The following GAS7 variants were observed in gnomAD, a reference collection of about 807,000 sequenced individuals.
GAS7 encodes the protein growth arrest specific 7.
Under a neutral mutation model 71.1 loss-of-function variants are expected in GAS7, and 28 were observed. That is an observed-to-expected ratio of 0.39 (90% CI 0.29 to 0.54). The LOEUF (loss-of-function observed/expected upper bound fraction) is 0.54, where lower values mean the gene tolerates loss of function less well. Ranked by LOEUF, GAS7 falls within the 20% of genes least tolerant of loss-of-function variation. The pLI, the probability that GAS7 is intolerant of heterozygous loss-of-function variation, is 0.62. For missense variants in GAS7, 436 were observed against 627.8 expected (o/e 0.69, Z 3.27); for synonymous variants, 258 against 245.8 (o/e 1.05, Z -0.46).
At chr17:10,056,874 C>G (rs1031592864) in intron 1 of GAS7, among the ~76,000 whole-genome samples, 1 of 152,182 alleles carries the variant, frequency 6.6e-6, no homozygotes, top group African/African-American at 2.4e-5. Context: ...CATCTCGACT[C>G]ACTGCAACCT....
chr17:10,112,780 A>G (rs2073826262), intron 1 of GAS7, among the ~76,000 whole-genome samples: 1 of 150,972 alleles, frequency 6.6e-6, no homozygotes, highest in African/African-American at 2.4e-5. Context: ...AAAGAAAGAG[A>G]GAAAGAGAAA....
At chr17:10,029,784 G>A (rs1036744727) in intron 1 of GAS7, among the ~76,000 whole-genome samples, 2 of 151,952 alleles carry the variant, frequency 1.3e-5, no homozygotes, top group Non-Finnish European at 2.9e-5. Flanking sequence ...CCTAGAAGGC[G>A]GAGATTGCAG....
At position 10,198,590 on chromosome 17, in the gene GAS7, G is replaced by A. The variant is rs143778593; in HGVS notation, c.-200C>T. On this transcript the variant is annotated 5_prime_UTR_variant, in exon 1 of 14. Transcript: ENST00000432992. ...CGGGAAGCAGAGACTCGTTGGCTTC[G>A]CAGAGCGAGCGGCGACGCCCCCGGG... 3,059 of 360,134 alleles carry A rather than the reference G, an allele frequency of 8.5e-3. 18 individuals are homozygous for A. The highest frequency in any genetic ancestry group is 0.013 in the Middle Eastern group (18 of 1,336). The allele number at this position is 360,134 out of a possible 1,614,324, so 22.3% of individuals were successfully genotyped here.
chr17:10,122,234 C>T (rs112007469), intron 1 of GAS7, among the ~76,000 whole-genome samples: 175 of 152,310 alleles, frequency 1.1e-3, no homozygotes, highest in African/African-American at 3.9e-3. Context: ...GCCCCAAAAC[C>T]AGCCAGCCCC....
chr17:10,169,081 C>T (rs911959984), intron 1 of GAS7, among the ~76,000 whole-genome samples: 4 of 151,738 alleles, frequency 2.6e-5, no homozygotes, highest in African/African-American at 9.7e-5. Flanking sequence ...TTGAGATCAG[C>T]CTGGCCAACA....
chr17:10,060,115 A>T (rs942535924), intron 1 of GAS7, among the ~76,000 whole-genome samples: 1 of 152,170 alleles, frequency 6.6e-6, no homozygotes. Context: ...ACACTGAGGG[A>T]GTGTGATAAT....
At chr17:10,071,176 C>A (rs2073336544) in intron 1 of GAS7, among the ~76,000 whole-genome samples, 1 of 151,860 alleles carries the variant, frequency 6.6e-6, no homozygotes, top group South Asian at 2.1e-4. Flanking sequence ...GCAGAGAGAG[C>A]CAGTGAGGCG....
At chr17:10,010,133 C>T (rs1597678630) in intron 2 of GAS7, among the ~76,000 whole-genome samples, 1 of 151,904 alleles carries the variant, frequency 6.6e-6, no homozygotes, top group Non-Finnish European at 1.5e-5. Flanking sequence ...GTAAAACAAA[C>T]AGGTTCTATT....
chr17:10,030,489 G>C (rs889444222), intron 1 of GAS7, among the ~76,000 whole-genome samples: 1 of 152,232 alleles, frequency 6.6e-6, no homozygotes, highest in Non-Finnish European at 1.5e-5. Context: ...GGGGTCAGGT[G>C]CATGAGGCAC....
At position 9,913,692 on chromosome 17, in the gene GAS7, A is replaced by C. The variant is rs1328297736; in HGVS notation, c.*3536T>G. On this transcript the variant is annotated 3_prime_UTR_variant, in exon 14 of 14. Coordinates refer to ENST00000432992, the MANE Select transcript of GAS7 (RefSeq NM_201433.2). ...GGCCCAGGGTGGTCCCACTGACAGA[A>C]TCTCAGGGCCGCCATCCCCACGGTC... 1 of 231,252 alleles carries C rather than the reference A, an allele frequency of 4.3e-6. No individual in the cohort carries two copies. The highest frequency in any genetic ancestry group is 2.2e-5 in the African/African-American group (1 of 45,210). The allele number at this position is 231,252 out of a possible 1,614,324, so 14.3% of individuals were successfully genotyped here. A position where few individuals can be genotyped will look rare whatever the true frequency, so the allele number is the denominator to read the frequency against.
intron 1 of GAS7, among the ~76,000 whole-genome samples, chr17:10,155,612 C>T (rs1439675223): frequency 3.3e-5 from 5 of 152,176 alleles, no homozygotes; most frequent in Non-Finnish European, 7.3e-5. Context: ...AGACCATGGC[C>T]TCCCTCCCAT....
intron 1 of GAS7, among the ~76,000 whole-genome samples, chr17:10,173,137 A>T (rs1332372210): frequency 6.6e-6 from 1 of 152,198 alleles, no homozygotes; most frequent in African/African-American, 2.4e-5. Context: ...AGATGCATAG[A>T]ACCAGAAAAC....
In GAS7 at chr17:10,026,165, T is replaced by C; in HGVS notation, c.184-6268A>G. 1 of 985,328 alleles carries C rather than the reference T, an allele frequency of 1.0e-6. No individual in the cohort carries two copies. The highest frequency in any genetic ancestry group is 1.2e-6 in the Non-Finnish European group (1 of 829,908). The allele number at this position is 985,328 out of a possible 1,614,324, so 61.0% of individuals were successfully genotyped here. On this transcript the variant is annotated intron_variant, in intron 1 of 13. Coordinates refer to ENST00000432992, the MANE Select transcript of GAS7 (RefSeq NM_201433.2). This position sits in a 1 kb window ranked among gnomAD's most constrained non-coding sequence, Gnocchi z 4.5. ...TGACTCTTACCTTATCCTAAAGCCG[T>C]GAGCAAACGCTACTCGCTGGTGTTA...
chr17:10,190,710 A>G (rs2142153946), intron 1 of GAS7, among the ~76,000 whole-genome samples: 1 of 152,268 alleles, frequency 6.6e-6, no homozygotes, highest in East Asian at 1.9e-4. Context: ...GATGGTGGTG[A>G]CATTCACTAA....
intron 1 of GAS7, among the ~76,000 whole-genome samples, chr17:10,060,319 T>C (rs974384413): frequency 6.6e-6 from 1 of 152,214 alleles, no homozygotes; most frequent in African/African-American, 2.4e-5. Flanking sequence ...AGCTTCCAGC[T>C]TAAAATGAGC....
At chr17:9,972,163 A>T (rs1435539969) in intron 3 of GAS7, among the ~76,000 whole-genome samples, 1 of 152,260 alleles carries the variant, frequency 6.6e-6, no homozygotes, top group Non-Finnish European at 1.5e-5. Flanking sequence ...TCCACCCTGC[A>T]GGGCCAGCTA....
chr17:9,922,149 G>A (rs11869143), intron 11 of GAS7, among the ~76,000 whole-genome samples: 59,079 of 151,858 alleles, frequency 0.39, 11,601 homozygotes, highest in Non-Finnish European at 0.42. Flanking sequence ...TTAGAATAGA[G>A]ATGGGCGTAG....
chr17:10,100,254 T>A (rs941448753), intron 1 of GAS7, among the ~76,000 whole-genome samples: 1 of 152,232 alleles, frequency 6.6e-6, no homozygotes, highest in Admixed American at 6.5e-5. Flanking sequence ...TTAGCACAGA[T>A]GATCAAAAAC....
intron 1 of GAS7, chr17:10,061,114 A>C (rs925282978): frequency 6.6e-6 from 1 of 152,316 alleles, no homozygotes; most frequent in African/African-American, 2.4e-5. Flanking sequence ...CAGGACCAAA[A>C]CTGACTGTGC....
Sources: allele counts gnomAD v4.1 joint callset (sites outside exome capture counted in the v4.1 genomes callset), GRCh38; gene constraint gnomAD v4.1.1; non-coding constraint Gnocchi (gnomAD v3.1); transcripts MANE v1.5; gene names NCBI Gene and HGNC (gene_info 2026-07-23, HGNC 2026-07-21).